KIAA1217: variants seen among roughly 807,000 people sequenced by gnomAD.
The protein encoded by KIAA1217 is KIAA1217.
In KIAA1217, 88 loss-of-function variants were observed where a neutral mutation model predicts 163.9. That is an observed-to-expected ratio of 0.54 (90% CI 0.45 to 0.64). KIAA1217 has a LOEUF of 0.64. Ranked by LOEUF, KIAA1217 falls within the 30% of genes least tolerant of loss-of-function variation. KIAA1217 has a pLI of 0.00. For synonymous variants in KIAA1217, 903 were observed against 923.1 expected (o/e 0.98, Z 0.39); for missense variants, 2,372 against 2,475.0 (o/e 0.96, Z 0.88).
At chr10:23,929,261 C>A (rs995807491) in intron 1 of KIAA1217, among the ~76,000 whole-genome samples, 3 of 152,112 alleles carry the variant, frequency 2.0e-5, no homozygotes, top group African/African-American at 7.2e-5. Flanking sequence ...ACAAAGTCTG[C>A]ATCAGTTAGA....
intron 2 of KIAA1217, among the ~76,000 whole-genome samples, chr10:24,269,210 TAAAAAAAAAAA>T (rs59746609): frequency 1.1e-5 from 1 of 87,080 alleles, no homozygotes; most frequent in East Asian, 3.1e-4. Context: ...AAAGTATAAT[TAAAAAAAAAAA>T]AAAAAAAAAA....
intron 2 of KIAA1217, among the ~76,000 whole-genome samples, chr10:24,037,527 C>T (rs769009477): frequency 1.3e-4 from 19 of 151,898 alleles, no homozygotes; most frequent in South Asian, 2.1e-4. Flanking sequence ...ACATAGCCCA[C>T]GAATTCAAAG....
At chr10:24,398,328 G>T (rs757325009) in intron 3 of KIAA1217, among the ~76,000 whole-genome samples, 2 of 152,176 alleles carry the variant, frequency 1.3e-5, no homozygotes, top group African/African-American at 4.8e-5. Context: ...AGCTGAAGAA[G>T]AGGAGGAGGG....
At chr10:23,967,207 C>T (rs975982893) in intron 1 of KIAA1217, among the ~76,000 whole-genome samples, 4 of 151,780 alleles carry the variant, frequency 2.6e-5, no homozygotes, top group African/African-American at 9.7e-5. Flanking sequence ...AATGCTTTAC[C>T]CATCGAAATT....
chr10:23,867,119 C>T (rs567618658), intron 1 of KIAA1217, among the ~76,000 whole-genome samples: 6 of 151,158 alleles, frequency 4.0e-5, no homozygotes, highest in Admixed American at 6.6e-5. Context: ...TTTGTTCTTG[C>T]GATAGTTTAC....
chr10:23,751,986 A>G (rs1405190061), intron 1 of KIAA1217, among the ~76,000 whole-genome samples: 4 of 152,154 alleles, frequency 2.6e-5, no homozygotes, highest in Non-Finnish European at 5.9e-5. Flanking sequence ...TGGTATGATT[A>G]TTTGTTTTAC....
At chr10:23,869,509 G>T (rs1328494826) in intron 1 of KIAA1217, among the ~76,000 whole-genome samples, 1 of 152,088 alleles carries the variant, frequency 6.6e-6, no homozygotes, top group South Asian at 2.1e-4. Flanking sequence ...GACCAGATGG[G>T]ACTTCTAAAC....
chr10:24,402,048 A>G (rs1398346296), intron 3 of KIAA1217, among the ~76,000 whole-genome samples: 1 of 152,220 alleles, frequency 6.6e-6, no homozygotes, highest in Non-Finnish European at 1.5e-5. Flanking sequence ...AAAGAAGTCA[A>G]AGACCTAATA....
chr10:23,934,048 A>G (rs1422487210), intron 1 of KIAA1217, among the ~76,000 whole-genome samples: 1 of 152,240 alleles, frequency 6.6e-6, no homozygotes, highest in Non-Finnish European at 1.5e-5. Flanking sequence ...ATATGCACTC[A>G]AAGAACTATA....
chr10:24,452,679 CAAA>C (rs1331069997), intron 5 of KIAA1217, among the ~76,000 whole-genome samples: 1 of 64,088 alleles, frequency 1.6e-5, no homozygotes, highest in Admixed American at 1.8e-4. Flanking sequence ...AAGACTGTCT[CAAA>C]AAAAAAAAAA....
At chr10:23,788,301 T>G (rs1835586579) in intron 1 of KIAA1217, among the ~76,000 whole-genome samples, 12 of 152,188 alleles carry the variant, frequency 7.9e-5, no homozygotes, top group Admixed American at 7.9e-4. Flanking sequence ...GGGAGAAACA[T>G]GGAATTTCTG....
chr10:23,790,366 CATATACATATGTATATATACATATGTAT>C (rs1189940859), intron 1 of KIAA1217, among the ~76,000 whole-genome samples: 2 of 95,172 alleles, frequency 2.1e-5, no homozygotes, highest in East Asian at 2.7e-4. Context: ...TGCATATATA[CATATACATATGTATATATACATATGTAT>C]ATATACATAT....
At position 24,396,949 on chromosome 10, in the gene KIAA1217, C is replaced by A. The variant is rs144626630; in HGVS notation, c.553+15882C>A. ...GCAGTGTGGACAGGAGCTGGGAGACCAGTTAGGAGTCTTGCAATAATCCAG... is the reference window on the plus strand; with the variant it reads ...GCAGTGTGGACAGGAGCTGGGAGACAAGTTAGGAGTCTTGCAATAATCCAG... On this transcript the variant is annotated intron_variant, in intron 3 of 20. Transcript: ENST00000376454. Among the ~76,000 whole-genome samples the A allele has an allele frequency of 8.1e-3, 1,239 of 152,060 alleles. 18 individuals carry two copies. The highest frequency in any genetic ancestry group is 0.028 in the African/African-American group (1,152 of 41,450).
At chr10:24,195,133 C>G (rs2066924879) in intron 2 of KIAA1217, among the ~76,000 whole-genome samples, 1 of 152,094 alleles carries the variant, frequency 6.6e-6, no homozygotes, top group Non-Finnish European at 1.5e-5. Context: ...TCTCTCTGGG[C>G]TGGGGAATGA....
chr10:23,774,246 A>C (rs1254277686), intron 1 of KIAA1217, among the ~76,000 whole-genome samples: 1 of 152,226 alleles, frequency 6.6e-6, no homozygotes, highest in Non-Finnish European at 1.5e-5. Flanking sequence ...AAAACACTTC[A>C]TATACAGTTT....
At chr10:23,944,611 A>G (rs1325203113) in intron 1 of KIAA1217, among the ~76,000 whole-genome samples, 1 of 152,242 alleles carries the variant, frequency 6.6e-6, no homozygotes, top group African/African-American at 2.4e-5. Flanking sequence ...GAAATGCTAA[A>G]TAAATCCACA....
chr10:23,715,143 C>T (rs569164842), intron 1 of KIAA1217, among the ~76,000 whole-genome samples: 12 of 152,256 alleles, frequency 7.9e-5, no homozygotes, highest in Non-Finnish European at 1.6e-4. Flanking sequence ...GTCAAAATGG[C>T]GGATTAGCAT....
Position 24,250,328 on chromosome 10 carries a change from G to A in KIAA1217, c.354+30419G>A, listed in dbSNP as rs868262819. Among the ~76,000 whole-genome samples, 60 of 152,228 alleles carry A rather than the reference G, an allele frequency of 3.9e-4. No individual in the cohort carries two copies. The Middle Eastern group carries it at 0.01, about 26-fold the overall frequency. On this transcript the variant is annotated intron_variant, in intron 2 of 20. Coordinates refer to ENST00000376454, the MANE Select transcript of KIAA1217 (RefSeq NM_019590.5). ...GAACTTGGTTCACAAAAGAGTGCTT[G>A]CTGCCCACGCATTTTGCACAATGAC...
chr10:24,219,736 C>T lies in KIAA1217; in HGVS notation c.181C>T (p.Arg61Cys), dbSNP rs762992132. Residue 61 changes from arginine (R) to cysteine (C), a missense_variant, in exon 2 of 21, where the codon CGC (arginine) becomes TGC (cysteine). Arg to Cys is a radical substitution (Grantham distance 180, BLOSUM62 -3). Transcript: ENST00000376454. Reference sequence around the variant, plus strand: ...TCGTGGTTCAGTTTCCAAGTCTTCCCGCAATATCCCAAGGAGACACACCCT... The same window carrying T: ...TCGTGGTTCAGTTTCCAAGTCTTCCTGCAATATCCCAAGGAGACACACCCT... The part of the protein sequence containing the change: ...NSRGSVSKSS[R>C]NIPRRHTLGG... 12 of 1,613,830 alleles carry T rather than the reference C, an allele frequency of 7.4e-6. No individual in the cohort carries two copies. Among genetic ancestry groups the T allele is most frequent in the African/African-American group, 2.7e-5 (2 of 74,906 alleles).
Sources: gnomAD v4.1 joint callset for allele counts (sites outside exome capture counted in the v4.1 genomes callset) on GRCh38, gnomAD v4.1.1 for gene constraint, MANE v1.5 for transcripts, NCBI Gene and HGNC (gene_info 2026-07-23, HGNC 2026-07-21) for gene names.